Variants in PGAP2 observed in about 807,000 individuals in gnomAD.
The protein encoded by PGAP2 is post-GPI attachment to proteins 2, also known as acyltransferase PGAP2.
A neutral mutation model predicts 33.2 loss-of-function variants in PGAP2; 21 were observed. The ratio of observed to expected loss-of-function variants is 0.63; its 90% CI spans 0.45 to 0.91. The LOEUF is 0.91. PGAP2 is among the 40% of genes least tolerant of loss of function. The pLI is 0.00. For synonymous variants in PGAP2, 161 were observed against 172.9 expected, an observed-to-expected ratio of 0.93 and a Z score of 0.54; for missense variants, 345 against 424.0, an observed-to-expected ratio of 0.81 and a Z score of 1.64.
At chr11:3,805,722 C>G (rs2084204081), upstream of PGAP2, among the ~76,000 whole-genome samples, 1 of 151,222 alleles carries the variant, frequency 6.6e-6, no homozygotes, top group African/African-American at 2.4e-5. Context: ...CGGTCTTGCT[C>G]TGTCTTCAGG....
chr11:3,809,897 G>C (rs976460576), intron 1 of PGAP2, among the ~76,000 whole-genome samples: 2 of 152,214 alleles, frequency 1.3e-5, no homozygotes, highest in African/African-American at 2.4e-5. Flanking sequence ...GGAATGCCAG[G>C]ATGGCAACCT....
chr11:3,809,270 C>T (rs2085066379), intron 1 of PGAP2, among the ~76,000 whole-genome samples: 1 of 152,200 alleles, frequency 6.6e-6, no homozygotes, highest in Admixed American at 6.5e-5. Context: ...GAACTATCTG[C>T]AGGCTGAACA....
chr11:3,825,638 C>T lies in PGAP2; in HGVS notation c.*180C>T. 1 of 564,858 alleles carries T rather than the reference C, an allele frequency of 1.8e-6. No individual in the cohort carries two copies. The highest frequency in any genetic ancestry group is 3.2e-5 in the East Asian group (1 of 30,898). 35.0% of individuals were successfully genotyped at this position (564,858 alleles called of 1,614,324 possible). On this transcript the variant is annotated 3_prime_UTR_variant, in exon 7 of 7. Coordinates refer to ENST00000278243, the MANE Select transcript of PGAP2 (RefSeq NM_014489.4). The stretch of plus-strand genomic sequence containing the variant: ...CTGCTGGCTTCTCCTCTCCACCCCT[C>T]ATATGGGCGTGGGGTCCTCAAACAT...
rs754588685 is a variant in PGAP2, at chr11:3,825,380, G to C, written c.870G>C (p.Ala290=). The C allele has an allele frequency of 6.2e-7, 1 of 1,613,866 alleles. No homozygotes were observed. Among genetic ancestry groups the C allele is most frequent in the Non-Finnish European group, 8.5e-7 (1 of 1,179,880 alleles). Residue 290 remains alanine (A), a synonymous_variant, in exon 7 of 7, where the codon GCG becomes GCC. Coordinates refer to ENST00000278243, the MANE Select transcript of PGAP2 (RefSeq NM_014489.4). The part of the protein sequence containing the change: ...LEYTVVLTNM[A]FHMTAWWDFG... Reference sequence around the variant, plus strand: ...ACACTGTTGTCTTAACCAACATGGCGTTCCACATGACGGCCTGGTGGGACT... The same window carrying C: ...ACACTGTTGTCTTAACCAACATGGCCTTCCACATGACGGCCTGGTGGGACT...
intron 3 of PGAP2, among the ~76,000 whole-genome samples, chr11:3,823,365 G>C (rs2089334499): frequency 6.6e-6 from 1 of 152,118 alleles, no homozygotes; most frequent in Middle Eastern, 3.2e-3. Flanking sequence ...GATCAGAGCA[G>C]GGGTGCCATT....
rs758096630 is a variant in PGAP2, at chr11:3,811,263, T to C, written c.4T>C (p.Tyr2His). The C allele has an allele frequency of 6.2e-7, 1 of 1,613,014 alleles. No homozygotes were observed. Among genetic ancestry groups the C allele is most frequent in the Non-Finnish European group, 8.5e-7 (1 of 1,179,328 alleles). The change falls in exon 2 of 7, where the codon TAC becomes CAC. Residue 2 changes from tyrosine to histidine, a missense_variant. Tyr to His is a moderately conservative substitution (Grantham distance 83). Around this residue, in one of 2 missense-constraint regions of PGAP2, gnomAD observed 34 missense variants for 70.3 expected, o/e 0.48. Coordinates refer to ENST00000278243, the MANE Select transcript of PGAP2 (RefSeq NM_014489.4). This position sits in a 1 kb window ranked among gnomAD's most constrained non-coding sequence, Gnocchi z 4.6. M[Y>H]QVPLPLDRDG... ...CTCCATCCCCAGGTCTGACAAGATG[T>C]ACCAGGTCCCACTACCACTGGATCG... is the stretch of plus-strand genomic sequence containing the variant.
intron 1 of PGAP2, among the ~76,000 whole-genome samples, chr11:3,799,198 C>T (rs1026650277): frequency 2.0e-5 from 3 of 152,148 alleles, no homozygotes; most frequent in African/African-American, 7.2e-5. Flanking sequence ...GAAACTAGAC[C>T]TGTTTAGTGA....
chr11:3,822,256 C>T (rs984319325), intron 3 of PGAP2, among the ~76,000 whole-genome samples: 9 of 151,434 alleles, frequency 5.9e-5, no homozygotes, highest in Admixed American at 1.3e-4. Context: ...CCCAGCTACT[C>T]GGGAGGCTGA....
chr11:3,822,844 C>A, intron 3 of PGAP2: 7 of 882,152 alleles, frequency 7.9e-6, no homozygotes, highest in Non-Finnish European at 1.1e-5. Flanking sequence ...CCCATCCTTT[C>A]ACCTCTCAAA....
chr11:3,824,697 G>A, intron 5 of PGAP2: 1 of 905,728 alleles, frequency 1.1e-6, no homozygotes, highest in Non-Finnish European at 1.6e-6. Context: ...CATAATTCCA[G>A]CGCCCCACCC....
In PGAP2 at chr11:3,817,445, G is replaced by C; in HGVS notation, c.258G>C (p.Trp86Cys). ...FRLRFTAMVW[W>C]AITFPVFGFF... ...TTCGCTTCACAGCCATGGTCTGGTG[G>C]GCCATCACTTTTCCTGTGTTCGGCT... is the stretch of plus-strand genomic sequence containing the variant. Residue 86 changes from tryptophan (W) to cysteine (C), a missense_variant, in exon 3 of 7, where the codon TGG becomes TGC. By Grantham distance (215) the Trp-to-Cys change is radical (BLOSUM62 -2). Transcript: ENST00000278243. The C allele has an allele frequency of 6.2e-7, 1 of 1,614,114 alleles. No individual in the cohort carries two copies. Among genetic ancestry groups the C allele is most frequent in the South Asian group, 1.1e-5 (1 of 91,076 alleles).
intron 2 of PGAP2, among the ~76,000 whole-genome samples, chr11:3,815,675 C>T (rs751932535): frequency 1.3e-5 from 2 of 152,186 alleles, no homozygotes; most frequent in Non-Finnish European, 2.9e-5. Context: ...TATAGAACTC[C>T]AGGTGGCCTG....
intron 2 of PGAP2, among the ~76,000 whole-genome samples, chr11:3,817,082 C>G (rs899360042): frequency 1.3e-5 from 2 of 152,104 alleles, no homozygotes; most frequent in African/African-American, 4.8e-5. Context: ...CACCGGGAGC[C>G]TCTCTTCTGT....
intron 1 of PGAP2, among the ~76,000 whole-genome samples, chr11:3,800,755 T>C (rs1590075872): frequency 7.2e-6 from 1 of 138,108 alleles, no homozygotes; most frequent in South Asian, 2.2e-4. Context: ...GAGGTTGCAG[T>C]GAGCTGAGAT....
upstream of PGAP2, chr11:3,807,872 A>C: frequency 5.4e-6 from 1 of 186,066 alleles, no homozygotes. Context: ...GTCCCCCTCA[A>C]GTTCTTTCAT....
chr11:3,798,640 T>C (rs1462068833), intron 1 of PGAP2, among the ~76,000 whole-genome samples: 1 of 140,752 alleles, frequency 7.1e-6, no homozygotes, highest in Non-Finnish European at 1.5e-5. Flanking sequence ...AACTAATTTT[T>C]TTTTTTTTTT....
chr11:3,825,607 C>G lies in PGAP2; in HGVS notation c.*149C>G, dbSNP rs994980001. On this transcript the variant is annotated 3_prime_UTR_variant, in exon 7 of 7. Transcript: ENST00000278243. ...GGAAGGGTGTAGGCCAAGGCTCACC[C>G]CAGTGCTGCTGGCTTCTCCTCTCCA... The G allele has an allele frequency of 3.4e-5, 27 of 790,750 alleles. No homozygotes were observed. The highest frequency in any genetic ancestry group is 7.6e-4 in the Middle Eastern group (2 of 2,648). The allele number at this position is 790,750 out of a possible 1,614,324, so 49.0% of individuals were successfully genotyped here. A position where few individuals can be genotyped will look rare whatever the true frequency, so the allele number is the denominator to read the frequency against.
At chr11:3,820,143 T>A (rs2088182707) in intron 3 of PGAP2, among the ~76,000 whole-genome samples, 1 of 152,152 alleles carries the variant, frequency 6.6e-6, no homozygotes, top group Non-Finnish European at 1.5e-5. Flanking sequence ...AGATTGAATA[T>A]TCCAGGAAGC....
chr11:3,825,124 T>C lies in PGAP2; in HGVS notation c.813T>C (p.Ala271=). 1.2e-6 allele frequency: 2 copies of C among 1,614,098 alleles called. No homozygotes were observed. Among genetic ancestry groups the C allele is most frequent in the Non-Finnish European group, 1.7e-6 (2 of 1,179,968 alleles). ...VYFRHNMYCE[A]GVYTIFAILE... ...TTCGGCACAACATGTATTGTGAGGC[T>C]GGAGGTGAGGCCAGGATAGGATCCA... Residue 271 remains alanine, a synonymous_variant, in exon 6 of 7, where the codon GCT becomes GCC. Transcript: ENST00000278243.
Sources: gnomAD v4.1 joint callset for allele counts (sites outside exome capture counted in the v4.1 genomes callset) on GRCh38, gnomAD v4.1.1 for gene constraint, gnomAD v4.1.1 regional missense constraint, Gnocchi (gnomAD v3.1) non-coding constraint, MANE v1.5 for transcripts, NCBI Gene and HGNC (gene_info 2026-07-23, HGNC 2026-07-21) for gene names.